The following CAAP1 variants were observed in gnomAD, a reference collection of about 807,000 sequenced individuals.
CAAP1 encodes the protein conserved anti-apoptotic protein.
In CAAP1, 20 loss-of-function variants were observed where a neutral mutation model predicts 34.0. The ratio of observed to expected loss-of-function variants is 0.59; its 90% CI spans 0.41 to 0.86. The LOEUF is 0.86. Ranked by LOEUF, CAAP1 falls within the 40% of genes least tolerant of loss-of-function variation. The pLI is 0.00. For synonymous variants in CAAP1, 213 were observed against 166.7 expected, an observed-to-expected ratio of 1.28 and a Z score of -2.14; for missense variants, 538 against 450.5, an observed-to-expected ratio of 1.19 and a Z score of -1.76.
chr9:26,845,792 T>G (rs1177135392), intron 5 of CAAP1, among the ~76,000 whole-genome samples: 1 of 152,250 alleles, frequency 6.6e-6, no homozygotes, highest in African/African-American at 2.4e-5. Context: ...ATGGACTCTC[T>G]TCTTCCCTTT....
At chr9:26,878,085 T>A (rs527640414) in intron 4 of CAAP1, among the ~76,000 whole-genome samples, 1 of 152,174 alleles carries the variant, frequency 6.6e-6, no homozygotes, top group East Asian at 1.9e-4. Context: ...GGGATCTAAT[T>A]TGGGACTTAA....
At chr9:26,889,839 G>C (rs1823855312) in intron 1 of CAAP1, among the ~76,000 whole-genome samples, 1 of 137,736 alleles carries the variant, frequency 7.3e-6, no homozygotes, top group Admixed American at 7.6e-5. Flanking sequence ...CTGCACTCCA[G>C]CCTGGGCGAC....
intron 5 of CAAP1, among the ~76,000 whole-genome samples, chr9:26,852,595 T>C (rs1822778783): frequency 6.6e-6 from 1 of 152,170 alleles, no homozygotes; most frequent in African/African-American, 2.4e-5. Flanking sequence ...ACTACTGGTG[T>C]AAATAAGTTT....
At chr9:26,885,953 AT>A (rs1261827528) in intron 3 of CAAP1, 150 bp downstream of exon 3, 2 of 404,550 alleles carry the variant, frequency 4.9e-6, no homozygotes, top group Admixed American at 4.5e-5. Flanking sequence ...TGTAAACTAT[AT>A]TTTTTAGTGC....
intron 4 of CAAP1, among the ~76,000 whole-genome samples, chr9:26,875,574 A>T (rs1278855747): frequency 6.6e-6 from 1 of 152,248 alleles, no homozygotes; most frequent in Non-Finnish European, 1.5e-5. Flanking sequence ...GTCTCAGTTG[A>T]TAAGAAGCTG....
intron 5 of CAAP1, among the ~76,000 whole-genome samples, chr9:26,853,856 T>G (rs1190988023): frequency 6.6e-6 from 1 of 152,210 alleles, no homozygotes; most frequent in East Asian, 1.9e-4. Flanking sequence ...TTTACATATC[T>G]GTTTTCCTTT....
rs1028187218 is a variant in CAAP1, at chr9:26,889,867, CAAAAAAAAAAA to C, written c.304-2365_304-2355del. On this transcript the variant is annotated intron_variant, in intron 1 of 5. Transcript: ENST00000333916. The stretch of plus-strand genomic sequence containing the variant: ...TGGGCGACAGAGCGAGACTCTGTCT[CAAAAAAAAAAA>C]AAAAAAAAAAAGGAACCTCAATACA... Among the ~76,000 whole-genome samples the C allele has an allele frequency of 1.9e-4, 10 of 51,322 alleles. No homozygotes were observed. The South Asian group carries it at 2.1e-3, about 11-fold the overall frequency. 33.7% of individuals were successfully genotyped at this position (51,322 alleles called of 152,430 possible).
chr9:26,859,911 T>C (rs1018988816), intron 5 of CAAP1, among the ~76,000 whole-genome samples: 1 of 152,206 alleles, frequency 6.6e-6, no homozygotes, highest in Non-Finnish European at 1.5e-5. Flanking sequence ...TACATATAAA[T>C]TGAACAAATC....
intron 4 of CAAP1, among the ~76,000 whole-genome samples, chr9:26,874,371 AG>A (rs1263420456): frequency 6.6e-6 from 1 of 152,090 alleles, no homozygotes; most frequent in Non-Finnish European, 1.5e-5. Flanking sequence ...TCTTTGTGCT[AG>A]GAACATTCTA....
intron 5 of CAAP1, among the ~76,000 whole-genome samples, chr9:26,847,327 G>A (rs186552256): frequency 2.1e-3 from 280 of 136,578 alleles, no homozygotes; most frequent in African/African-American, 7.2e-3. Flanking sequence ...CCATTCTCCC[G>A]CCTCAGCCTC....
chr9:26,884,341 C>T (rs1193039581), intron 4 of CAAP1, among the ~76,000 whole-genome samples: 1 of 152,118 alleles, frequency 6.6e-6, no homozygotes, highest in Admixed American at 6.5e-5. Flanking sequence ...AAATAATATA[C>T]ATTTATAGGT....
chr9:26,888,291 T>C (rs1823803928), intron 1 of CAAP1, among the ~76,000 whole-genome samples: 1 of 152,252 alleles, frequency 6.6e-6, no homozygotes, highest in Non-Finnish European at 1.5e-5. Context: ...TTCATGCTCA[T>C]TCTTTGTGTT....
chr9:26,870,040 T>A, intron 4 of CAAP1: 93 of 107,068 alleles, frequency 8.7e-4, no homozygotes, highest in Non-Finnish European at 1.4e-3. Flanking sequence ...AAAGAATAAC[T>A]TTTTTTTTTT....
intron 5 of CAAP1, among the ~76,000 whole-genome samples, chr9:26,844,776 T>G (rs911365753): frequency 2.0e-5 from 3 of 152,236 alleles, no homozygotes; most frequent in Non-Finnish European, 4.4e-5. Context: ...ATACTCTTGA[T>G]TCCCTGAACC....
chr9:26,850,073 G>T (rs1587090364), intron 5 of CAAP1, among the ~76,000 whole-genome samples: 1 of 140,090 alleles, frequency 7.1e-6, no homozygotes, highest in South Asian at 2.1e-4. Flanking sequence ...CTGTGACCTC[G>T]TGATCCGCCC....
In CAAP1 at chr9:26,892,481, C is replaced by T. The variant is rs1157109665; in HGVS notation, c.235G>A (p.Val79Met). 2 of 1,559,280 alleles carry T rather than the reference C, an allele frequency of 1.3e-6. No individual in the cohort carries two copies. Among genetic ancestry groups the T allele is most frequent in the Non-Finnish European group, 1.7e-6 (2 of 1,152,546 alleles). ...CGCTTCCGGCGCTCGCTGCGCTCCACGCTGCTCCCGCCCCAACAGCTGCCG... is the reference window on the plus strand; with the variant it reads ...CGCTTCCGGCGCTCGCTGCGCTCCATGCTGCTCCCGCCCCAACAGCTGCCG... ...SGGSCWGGSS[V>M]ERSERRKRRS... Residue 79 changes from valine (V) to methionine (M), a missense_variant, in exon 1 of 6, where the codon GTG (valine) becomes ATG (methionine). Coordinates refer to ENST00000333916, the MANE Select transcript of CAAP1 (RefSeq NM_024828.4).
rs781211012 is a variant in CAAP1, at chr9:26,842,640, C to T, written c.747G>A (p.Gly249=). Residue 249 remains glycine, a synonymous_variant, in exon 6 of 6, where the codon GGG becomes GGA. Transcript: ENST00000333916. The part of the protein sequence containing the change: ...PEGLELKQGK[G]EDSDVLSINA... ...TTATACTGAGTACATCACTATCTTCCCCTTTTCCTGTAACCAAAAAAGGAG... is the reference window on the plus strand; with the variant it reads ...TTATACTGAGTACATCACTATCTTCTCCTTTTCCTGTAACCAAAAAAGGAG... 6.3e-6 allele frequency: 10 copies of T among 1,592,712 alleles called. No individual in the cohort carries two copies. The highest frequency in any genetic ancestry group is 6.8e-6 in the Non-Finnish European group (8 of 1,170,426).
At chr9:26,848,297 A>G (rs1822664041) in intron 5 of CAAP1, among the ~76,000 whole-genome samples, 1 of 152,140 alleles carries the variant, frequency 6.6e-6, no homozygotes, top group African/African-American at 2.4e-5. Context: ...GCGGATCATG[A>G]GGTCAAGAGA....
At chr9:26,874,206 CAAAAAAAAAAAA>C (rs34601727) in intron 4 of CAAP1, among the ~76,000 whole-genome samples, 3 of 53,234 alleles carry the variant, frequency 5.6e-5, no homozygotes, top group Non-Finnish European at 7.3e-5. Flanking sequence ...GACTCTGTCT[CAAAAAAAAAAAA>C]AAAAAAAAAA....
Sources: allele counts gnomAD v4.1 joint callset (sites outside exome capture counted in the v4.1 genomes callset), GRCh38; gene constraint gnomAD v4.1.1; transcripts MANE v1.5; gene names NCBI Gene and HGNC (gene_info 2026-07-23, HGNC 2026-07-21).